HS1BP3: variants seen among roughly 807,000 people sequenced by gnomAD.
HS1BP3 encodes the protein HCLS1-binding protein 3.
HS1BP3 carries 32 observed loss-of-function variants against 33.5 expected under a neutral mutation model. The ratio of observed to expected loss-of-function variants is 0.95; its 90% CI spans 0.72 to 1.28. The LOEUF (loss-of-function observed/expected upper bound fraction) is 1.28, where lower values mean the gene tolerates loss of function less well. HS1BP3 is among the 50% of genes most tolerant of loss of function. The pLI, the probability that HS1BP3 is intolerant of heterozygous loss-of-function variation, is 0.00. For missense variants in HS1BP3, 486 were observed against 502.3 expected, an observed-to-expected ratio of 0.97 and a Z score of 0.31; for synonymous variants, 187 against 209.2, an observed-to-expected ratio of 0.89 and a Z score of 0.92.
At position 20,618,698 on chromosome 2, in the gene HS1BP3, G is replaced by T. The variant is rs3732151; in HGVS notation, c.*289C>A. 8.2e-7 allele frequency: 1 copy of T among 1,221,434 alleles called. No individual in the cohort carries two copies. The allele number at this position is 1,221,434 out of a possible 1,614,324, so 75.7% of individuals were successfully genotyped here. ...GCTTCATCCTTGGGGCTGGGCTTCT[G>T]GTTGGCAAGGCATCCCCACACCCTC... is the stretch of plus-strand genomic sequence containing the variant. On this transcript the variant is annotated 3_prime_UTR_variant, in exon 7 of 7. Coordinates refer to ENST00000304031, the MANE Select transcript of HS1BP3 (RefSeq NM_022460.4).
chr2:20,623,050 T>G (rs1356732330), intron 6 of HS1BP3: 1 of 152,626 alleles, frequency 6.6e-6, no homozygotes, highest in African/African-American at 2.4e-5. Flanking sequence ...GGCACAGTCC[T>G]GTGTCCTGGA....
chr2:20,643,155 G>A (rs1025717568), intron 2 of HS1BP3, among the ~76,000 whole-genome samples: 9 of 152,174 alleles, frequency 5.9e-5, no homozygotes, highest in Non-Finnish European at 8.8e-5. Flanking sequence ...CTTTGCCCTC[G>A]CAAGTACTTT....
intron 2 of HS1BP3, chr2:20,606,769 T>TA (rs1694191263): frequency 5.0e-6 from 1 of 200,798 alleles, no homozygotes; most frequent in Admixed American, 6.0e-5. Flanking sequence ...TTTGAATAAA[T>TA]GCCTATGTAA....
At chr2:20,561,426 G>A (rs1293129971) in intron 5 of HS1BP3, among the ~76,000 whole-genome samples, 1 of 152,198 alleles carries the variant, frequency 6.6e-6, no homozygotes, top group African/African-American at 2.4e-5. Flanking sequence ...CACAATGCCT[G>A]ACCACAGTAG....
At chr2:20,602,748 T>C (rs1465025438) in intron 2 of HS1BP3, among the ~76,000 whole-genome samples, 1 of 152,216 alleles carries the variant, frequency 6.6e-6, no homozygotes, top group Non-Finnish European at 1.5e-5. Flanking sequence ...ATCAAAATTT[T>C]AAAGTTTTGT....
chr2:20,577,623 G>A (rs1693431411), intron 5 of HS1BP3, among the ~76,000 whole-genome samples: 1 of 152,170 alleles, frequency 6.6e-6, no homozygotes. Flanking sequence ...CCATCTGGGA[G>A]CGTAAGAGTG....
chr2:20,604,672 A>G (rs951782285), intron 2 of HS1BP3, among the ~76,000 whole-genome samples: 12 of 152,202 alleles, frequency 7.9e-5, no homozygotes, highest in African/African-American at 2.9e-4. Flanking sequence ...TTAGAGAGTG[A>G]GCAAGCTGGG....
At chr2:20,625,795 C>T (rs1033101480) in intron 4 of HS1BP3, among the ~76,000 whole-genome samples, 2 of 152,154 alleles carry the variant, frequency 1.3e-5, no homozygotes, top group African/African-American at 4.8e-5. Context: ...AGTTTTGATC[C>T]AGGCGGTAGT....
In HS1BP3 at chr2:20,619,168, G is replaced by A; in HGVS notation, c.998C>T (p.Pro333Leu). The A allele has an allele frequency of 6.2e-7, 1 of 1,614,138 alleles. No individual in the cohort carries two copies. Among genetic ancestry groups the A allele is most frequent in the South Asian group, 1.1e-5 (1 of 91,078 alleles). ...GGGTATCACCGGCTTAGCTGCCACT[G>A]GTGGCTTGGGCTTAAGCTGGGGCTT... ...KPKPQLKPKPPVAAKPVIPRK... is the reference protein window; with the variant it reads ...KPKPQLKPKPLVAAKPVIPRK... The change falls in exon 7 of 7, where the codon CCA (proline) becomes CTA (leucine). Residue 333 changes from proline (P) to leucine (L), a missense_variant. Pro to Leu is a moderately conservative substitution (Grantham distance 98). Coordinates refer to ENST00000304031, the MANE Select transcript of HS1BP3 (RefSeq NM_022460.4).
At chr2:20,600,284 C>G (rs1275693869) in intron 2 of HS1BP3, among the ~76,000 whole-genome samples, 1 of 152,138 alleles carries the variant, frequency 6.6e-6, no homozygotes, top group Non-Finnish European at 1.5e-5. Flanking sequence ...CAATAGGGTC[C>G]CAAGGGCCTA....
intron 5 of HS1BP3, among the ~76,000 whole-genome samples, chr2:20,563,925 C>A (rs955875568): frequency 6.6e-6 from 1 of 152,118 alleles, no homozygotes; most frequent in Admixed American, 6.6e-5. Flanking sequence ...TTGAGAAGCT[C>A]GGGGCAATGG....
intron 2 of HS1BP3, among the ~76,000 whole-genome samples, chr2:20,608,240 A>AT (rs1558332471): frequency 6.6e-6 from 1 of 151,316 alleles, no homozygotes; most frequent in Non-Finnish European, 1.5e-5. Flanking sequence ...TTTCTTGCCT[A>AT]GTTTCTCTGG....
chr2:20,589,989 G>T (rs184465871), downstream of HS1BP3, among the ~76,000 whole-genome samples: 294 of 152,306 alleles, frequency 1.9e-3, no homozygotes, highest in Middle Eastern at 3.4e-3. Flanking sequence ...CTGTGTCCAG[G>T]AGTCTGGTGA....
chr2:20,584,351 C>G (rs1299428646), intron 5 of HS1BP3, among the ~76,000 whole-genome samples: 1 of 152,190 alleles, frequency 6.6e-6, no homozygotes, highest in African/African-American at 2.4e-5. Flanking sequence ...TGGGGAAGGA[C>G]TGGGGTGTGC....
chr2:20,568,385 G>A (rs1292625463), intron 5 of HS1BP3, among the ~76,000 whole-genome samples: 3 of 152,190 alleles, frequency 2.0e-5, no homozygotes, highest in African/African-American at 7.2e-5. Flanking sequence ...AGCACGTGGT[G>A]GGGGTTCCTA....
At chr2:20,575,091 GC>G (rs1693368059) in intron 5 of HS1BP3, among the ~76,000 whole-genome samples, 2 of 152,246 alleles carry the variant, frequency 1.3e-5, no homozygotes, top group African/African-American at 4.8e-5. Flanking sequence ...TAAGGACAAA[GC>G]CCGGGACTTT....
At chr2:20,582,409 C>G (rs750695091) in intron 5 of HS1BP3, among the ~76,000 whole-genome samples, 2 of 150,006 alleles carry the variant, frequency 1.3e-5, no homozygotes, top group Non-Finnish European at 3.0e-5. Flanking sequence ...TAGGGGAGAG[C>G]TGTCCTAGGG....
chr2:20,620,355 G>A (rs1175887856), intron 6 of HS1BP3, among the ~76,000 whole-genome samples: 1 of 152,212 alleles, frequency 6.6e-6, no homozygotes, highest in Non-Finnish European at 1.5e-5. Flanking sequence ...CTGGTTCTCT[G>A]GGGTGTGTTC....
chr2:20,565,233 G>T lies in HS1BP3; in HGVS notation c.303-4718C>A, dbSNP rs893538826. ...CCCGGCTGTGTATAGGGGATAAAATGGGGTGAGGCCATACCCAGGGTGCAA... is the reference window on the plus strand; with the variant it reads ...CCCGGCTGTGTATAGGGGATAAAATTGGGTGAGGCCATACCCAGGGTGCAA... On this transcript the variant is annotated intron_variant, in intron 5 of 5. Transcript: ENST00000446825. Among the ~76,000 whole-genome samples, 4 of 152,300 alleles carry T rather than the reference G, an allele frequency of 2.6e-5. No individual in the cohort carries two copies. In the East Asian group the frequency reaches 7.7e-4, roughly 29 times the overall value.
Sources: allele counts gnomAD v4.1 joint callset (sites outside exome capture counted in the v4.1 genomes callset), GRCh38; gene constraint gnomAD v4.1.1; transcripts MANE v1.5; gene names NCBI Gene and HGNC (gene_info 2026-07-23, HGNC 2026-07-21).